FNBP1: variants seen among roughly 807,000 people sequenced by gnomAD.
FNBP1 encodes formin-binding protein 1.
FNBP1 carries 26 observed loss-of-function variants against 90.6 expected under a neutral mutation model. The ratio of observed to expected loss-of-function variants is 0.29; its 90% CI spans 0.21 to 0.40. The LOEUF (loss-of-function observed/expected upper bound fraction) is 0.40, where lower values mean the gene tolerates loss of function less well. FNBP1 is among the 10% of genes least tolerant of loss of function. The pLI is 1.00. For synonymous variants in FNBP1, 260 were observed against 265.2 expected (o/e 0.98, Z 0.19); for missense variants, 635 against 768.0 (o/e 0.83, Z 2.05).
At chr9:130,023,392 TAG>T (rs1228341225) in intron 1 of FNBP1, among the ~76,000 whole-genome samples, 1 of 152,188 alleles carries the variant, frequency 6.6e-6, no homozygotes, top group Non-Finnish European at 1.5e-5. Flanking sequence ...TAACTGACTT[TAG>T]AGAGAGCCAG....
chr9:129,895,030 CA>C (rs1176050364), intron 16 of FNBP1, among the ~76,000 whole-genome samples: 3 of 152,138 alleles, frequency 2.0e-5, no homozygotes, highest in African/African-American at 7.2e-5. Flanking sequence ...GCCTGGGCAA[CA>C]GAGCCAGACT....
Position 130,012,419 on chromosome 9 carries a change from T to C in FNBP1, c.25-17461A>G, listed in dbSNP as rs112697986. ...CATCATCATCATTGTCATCAACCAG[T>C]GGGGAAAGAACAAGCTGTTCAATAA... is the stretch of plus-strand genomic sequence containing the variant. On this transcript the variant is annotated intron_variant, in intron 1 of 16. Transcript: ENST00000446176. Among the ~76,000 whole-genome samples, 786 of 152,092 alleles carry C rather than the reference T, an allele frequency of 5.2e-3. 6 individuals carry two copies. Among genetic ancestry groups the C allele is most frequent in the African/African-American group, 0.014 (586 of 41,470 alleles).
chr9:130,038,288 G>C (rs1259530142), intron 1 of FNBP1, among the ~76,000 whole-genome samples: 2 of 149,898 alleles, frequency 1.3e-5, no homozygotes, highest in Non-Finnish European at 3.0e-5. Flanking sequence ...CCGGGAGGCG[G>C]AGCTTGCAGT....
At chr9:130,033,437 T>A (rs1298410079) in intron 1 of FNBP1, among the ~76,000 whole-genome samples, 1 of 152,186 alleles carries the variant, frequency 6.6e-6, no homozygotes, top group Non-Finnish European at 1.5e-5. Context: ...GCTGTGCAAA[T>A]AGAAGTACAA....
chr9:130,033,324 G>A (rs552788936), intron 1 of FNBP1, among the ~76,000 whole-genome samples: 23 of 152,166 alleles, frequency 1.5e-4, no homozygotes, highest in Non-Finnish European at 2.9e-4. Context: ...AACCCAGGCT[G>A]AGCCCTCCAG....
At chr9:129,942,069 C>CA (rs538638816) in intron 6 of FNBP1, among the ~76,000 whole-genome samples, 12,665 of 116,104 alleles carry the variant, frequency 0.11, 639 homozygotes, top group African/African-American at 0.18. Context: ...ACTCTGTCTC[C>CA]AAAAAAAAAA....
rs35179648 is a variant in FNBP1, at chr9:129,990,932, G to GTTTT, written c.140+3907_140+3910dup. 3.3e-3 allele frequency among the ~76,000 whole-genome samples: 433 copies of GTTTT among 129,988 alleles called. 3 individuals carry two copies. Among genetic ancestry groups the GTTTT allele is most frequent in the Non-Finnish European group, 5.0e-3 (310 of 61,476 alleles). 85.3% of individuals were successfully genotyped at this position (129,988 alleles called of 152,430 possible). ...AGACAGAGATGATGATGACACCAGG[G>GTTTT]TTTTTTTTTTTTTTTTTTTGAGATG... is the stretch of plus-strand genomic sequence containing the variant. On this transcript the variant is annotated intron_variant, in intron 2 of 16. Coordinates refer to ENST00000446176, the MANE Select transcript of FNBP1 (RefSeq NM_015033.3).
intron 6 of FNBP1, among the ~76,000 whole-genome samples, chr9:129,935,368 T>C (rs2043270221): frequency 6.6e-6 from 1 of 152,164 alleles, no homozygotes; most frequent in South Asian, 2.1e-4. Context: ...AGTGTCTCAA[T>C]TGTCATAAGC....
At chr9:129,919,265 C>A in intron 10 of FNBP1, 1 of 1,194,748 alleles carries the variant, frequency 8.4e-7, no homozygotes, top group Non-Finnish European at 1.1e-6. Flanking sequence ...AGCAAGAGAA[C>A]AAGATAAAAT....
At chr9:130,039,367 C>G (rs1196302457) in intron 1 of FNBP1, among the ~76,000 whole-genome samples, 1 of 151,910 alleles carries the variant, frequency 6.6e-6, no homozygotes, top group Non-Finnish European at 1.5e-5. Context: ...TTATTAGAAC[C>G]CAATCACTTC....
chr9:130,023,185 T>C (rs1465649755), intron 1 of FNBP1, among the ~76,000 whole-genome samples: 2 of 151,944 alleles, frequency 1.3e-5, no homozygotes, highest in South Asian at 2.1e-4. Flanking sequence ...AAACCAGTTA[T>C]GGTGGTTGCC....
intron 1 of FNBP1, among the ~76,000 whole-genome samples, chr9:129,998,969 T>C (rs1286819280): frequency 2.6e-5 from 4 of 152,208 alleles, no homozygotes; most frequent in African/African-American, 4.8e-5. Context: ...TTTGTGACTA[T>C]AGCAGAGTTC....
intron 9 of FNBP1, 61 bp downstream of exon 9, chr9:129,924,898 CT>C: frequency 7.1e-7 from 1 of 1,409,350 alleles, no homozygotes; most frequent in Non-Finnish European, 9.7e-7. Context: ...TTTTCTAAGA[CT>C]AAAAGATCAA....
intron 1 of FNBP1, among the ~76,000 whole-genome samples, chr9:130,018,394 G>A (rs1304794612): frequency 1.3e-5 from 2 of 152,008 alleles, no homozygotes; most frequent in Non-Finnish European, 2.9e-5. Context: ...TAGCAGTGAA[G>A]TGACTTCACC....
chr9:130,053,593 C>G, the FNBP1 span: 1 of 349,138 alleles, frequency 2.9e-6, no homozygotes, highest in African/African-American at 2.2e-5. Flanking sequence ...ATCCCCCGAC[C>G]CTGAGATCAG....
At chr9:129,939,729 T>C (rs2044048964) in intron 6 of FNBP1, among the ~76,000 whole-genome samples, 1 of 152,178 alleles carries the variant, frequency 6.6e-6, no homozygotes, top group African/African-American at 2.4e-5. Context: ...ACTGGGGGGA[T>C]ACTTCTACAA....
chr9:129,970,786 A>G (rs1395284926), intron 4 of FNBP1, among the ~76,000 whole-genome samples: 1 of 152,184 alleles, frequency 6.6e-6, no homozygotes, highest in Non-Finnish European at 1.5e-5. Flanking sequence ...ATGTTTTCCT[A>G]AAGAGACAGA....
At chr9:129,965,806 A>AAGGAC (rs1564453977) in intron 4 of FNBP1, among the ~76,000 whole-genome samples, 1 of 95,540 alleles carries the variant, frequency 1.0e-5, no homozygotes, top group Non-Finnish European at 2.2e-5. Flanking sequence ...GGGGGGAAGG[A>AAGGAC]GGGAGGGAGG....
the FNBP1 span, among the ~76,000 whole-genome samples, chr9:130,050,956 A>T: frequency 6.6e-6 from 1 of 151,204 alleles, no homozygotes. Context: ...GCTGGAGTGC[A>T]ATGGTACAAT....
Sources: gnomAD v4.1 joint callset for allele counts (sites outside exome capture counted in the v4.1 genomes callset) on GRCh38, gnomAD v4.1.1 for gene constraint, MANE v1.5 for transcripts, NCBI Gene and HGNC (gene_info 2026-07-23, HGNC 2026-07-21) for gene names.